Variants in AHRR observed in about 807,000 individuals in gnomAD.
AHRR encodes the protein ahR repressor.
In AHRR, 28 loss-of-function variants were observed where a neutral mutation model predicts 44.0. The observed-to-expected ratio is 0.64, with a 90% CI of 0.47 to 0.87. The LOEUF (loss-of-function observed/expected upper bound fraction) is 0.87, where lower values mean the gene tolerates loss of function less well. Ranked by LOEUF, AHRR falls within the 40% of genes least tolerant of loss-of-function variation. AHRR has a pLI of 0.00. For missense variants in AHRR, 990 were observed against 953.9 expected (o/e 1.04, Z -0.50); for synonymous variants, 434 against 407.0 (o/e 1.07, Z -0.80).
intron 1 of AHRR, among the ~76,000 whole-genome samples, chr5:341,262 G>T (rs1742339854): frequency 6.6e-6 from 1 of 152,052 alleles, no homozygotes; most frequent in Non-Finnish European, 1.5e-5. Context: ...TGATCCACCT[G>T]CCTCGCCCTC....
At chr5:371,095 G>A (rs992798701) in intron 3 of AHRR, among the ~76,000 whole-genome samples, 1 of 152,156 alleles carries the variant, frequency 6.6e-6, no homozygotes, top group East Asian at 1.9e-4. Flanking sequence ...GTAAATTCCC[G>A]CCTGTGGCCG....
chr5:386,317 C>T (rs1734166968), intron 4 of AHRR, among the ~76,000 whole-genome samples: 1 of 152,212 alleles, frequency 6.6e-6, no homozygotes. Flanking sequence ...CAAAGCTGTT[C>T]ACATGCTGAT....
rs188338907 is a variant in AHRR at position 395,933 on chromosome 5, G to C, written c.352-17411G>C. On this transcript the variant is annotated intron_variant, in intron 4 of 10. Transcript: ENST00000684583. This position sits in a 1 kb window ranked among gnomAD's most constrained non-coding sequence, Gnocchi z 5.3. ...GTTGCCTGGCTCTAAGGGGCTCCTG[G>C]TACGAGGATTAGGAGGCCATGGGTC... Among the ~76,000 whole-genome samples the C allele has an allele frequency of 1.3e-5, 2 of 152,308 alleles. No individual in the cohort carries two copies. Among genetic ancestry groups the C allele is most frequent in the Admixed American group, 1.3e-4 (2 of 15,308 alleles).
At chr5:343,779 C>T (rs994620266) in intron 1 of AHRR, 114 bp from the exon 2 acceptor site, 2 of 1,058,916 alleles carry the variant, frequency 1.9e-6, no homozygotes, top group Admixed American at 2.5e-5. Flanking sequence ...GTGGGGGCCT[C>T]GCGGGGTCGC....
chr5:398,120 GTAGCTCCTGACCGTCCATGT>G (rs1734834732), intron 4 of AHRR, among the ~76,000 whole-genome samples: 3 of 110,002 alleles, frequency 2.7e-5, no homozygotes, highest in Admixed American at 9.3e-5. Flanking sequence ...GACCATCCAC[GTAGCTCCTGACCGTCCATGT>G]TAGCCCCTGA....
intron 2 of AHRR, among the ~76,000 whole-genome samples, chr5:352,249 G>A (rs1742882375): frequency 6.6e-6 from 1 of 152,232 alleles, no homozygotes; most frequent in African/African-American, 2.4e-5. Context: ...GTAGGGGATG[G>A]TCACTCTGAG....
intron 2 of AHRR, among the ~76,000 whole-genome samples, chr5:348,266 G>A (rs377651299): frequency 1.4e-4 from 21 of 152,138 alleles, no homozygotes; most frequent in Admixed American, 4.6e-4. Flanking sequence ...GGGATTCCCC[G>A]GAGTCCTCAG....
chr5:389,932 GGA>G (rs1380789506), intron 4 of AHRR, among the ~76,000 whole-genome samples: 30 of 120,934 alleles, frequency 2.5e-4, no homozygotes, highest in African/African-American at 8.0e-4. Flanking sequence ...AGGGGGAGGG[GGA>G]GGGGAAGGGA....
chr5:386,455 G>A (rs1019670171), intron 4 of AHRR, among the ~76,000 whole-genome samples: 1 of 152,254 alleles, frequency 6.6e-6, no homozygotes, highest in Non-Finnish European at 1.5e-5. Context: ...TAAAAGTAGA[G>A]AATCTTTCTC....
chr5:430,661 C>T (rs77580397), intron 8 of AHRR, among the ~76,000 whole-genome samples: 19,021 of 152,260 alleles, frequency 0.12, 1,583 homozygotes, highest in Non-Finnish European at 0.19. Flanking sequence ...ACAGCAGCAG[C>T]GGTTATTTGA....
intron 5 of AHRR, chr5:421,183 G>A (rs867818054): frequency 9.1e-5 from 56 of 618,562 alleles, no homozygotes; most frequent in Non-Finnish European, 1.5e-4. Context: ...CCCGGCTGGT[G>A]CCGGGCAGGA....
chr5:408,555 A>C (rs917369561), intron 4 of AHRR, among the ~76,000 whole-genome samples: 1 of 151,898 alleles, frequency 6.6e-6, no homozygotes, highest in Non-Finnish European at 1.5e-5. Context: ...TTGGTGTATT[A>C]TTTTCCTAAT....
chr5:353,413 T>C (rs1045886215), intron 2 of AHRR, among the ~76,000 whole-genome samples: 2 of 152,128 alleles, frequency 1.3e-5, no homozygotes, highest in African/African-American at 2.4e-5. Flanking sequence ...GGATCCGTAG[T>C]GGAGAGGTGG....
chr5:325,104 T>C (rs1043930336), intron 1 of AHRR, among the ~76,000 whole-genome samples: 3 of 152,138 alleles, frequency 2.0e-5, no homozygotes, highest in African/African-American at 7.2e-5. Context: ...GGAAGGGAGT[T>C]TGGGATTTTG....
chr5:360,623 C>T (rs75002370), intron 3 of AHRR, among the ~76,000 whole-genome samples: 1,835 of 152,280 alleles, frequency 0.012, 17 homozygotes, highest in Non-Finnish European at 0.018. Flanking sequence ...AGAGAACACA[C>T]GTACCCCATG....
intron 4 of AHRR, among the ~76,000 whole-genome samples, chr5:400,244 AT>A (rs1488241621): frequency 6.6e-6 from 1 of 152,070 alleles, no homozygotes; most frequent in African/African-American, 2.4e-5. Flanking sequence ...CTTGCCGGCT[AT>A]TTTTTCTGCC....
rs932823096 is a variant in AHRR at position 405,587 on chromosome 5, G to A, written c.352-7757G>A. On this transcript the variant is annotated intron_variant, in intron 4 of 10. Transcript: ENST00000684583. This position sits in a 1 kb window ranked among gnomAD's most constrained non-coding sequence, Gnocchi z 4.5. ...TCCCACTGTGAAGTCATCACCTGGC[G>A]CCTGCACCTCTGTATCCAGAACCAA... Among the ~76,000 whole-genome samples the A allele has an allele frequency of 3.3e-5, 5 of 152,154 alleles. No homozygotes were observed. Among genetic ancestry groups the A allele is most frequent in the Non-Finnish European group, 5.9e-5 (4 of 68,030 alleles).
chr5:334,848 G>T (rs937342715), intron 1 of AHRR, among the ~76,000 whole-genome samples: 14 of 151,674 alleles, frequency 9.2e-5, no homozygotes, highest in Non-Finnish European at 1.9e-4. Context: ...TACTTTTGTT[G>T]TTGGGGGGCA....
At chr5:363,211 A>G (rs548436314) in intron 3 of AHRR, among the ~76,000 whole-genome samples, 13 of 152,310 alleles carry the variant, frequency 8.5e-5, no homozygotes, top group Non-Finnish European at 1.6e-4. Flanking sequence ...TGGGAGGAAC[A>G]AGAGGGATAA....
Sources: allele counts gnomAD v4.1 joint callset (sites outside exome capture counted in the v4.1 genomes callset), GRCh38; gene constraint gnomAD v4.1.1; non-coding constraint Gnocchi (gnomAD v3.1); transcripts MANE v1.5; gene names NCBI Gene and HGNC (gene_info 2026-07-23, HGNC 2026-07-21).